The following AK5 variants were observed in gnomAD, a reference collection of about 807,000 sequenced individuals.
The protein encoded by AK5 is adenylate kinase 5.
AK5 carries 27 observed loss-of-function variants against 69.5 expected under a neutral mutation model. The observed-to-expected ratio is 0.39, with a 90% CI of 0.29 to 0.54. The LOEUF (loss-of-function observed/expected upper bound fraction) is 0.54, where lower values mean the gene tolerates loss of function less well. AK5 is among the 20% of genes least tolerant of loss of function. The pLI is 0.71. For missense variants in AK5, 531 were observed against 700.4 expected (o/e 0.76, Z 2.73); for synonymous variants, 260 against 244.4 (o/e 1.06, Z -0.60).
At chr1:77,345,823 C>T (rs1447151234) in intron 6 of AK5, among the ~76,000 whole-genome samples, 1 of 152,202 alleles carries the variant, frequency 6.6e-6, no homozygotes, top group African/African-American at 2.4e-5. Flanking sequence ...GCACAGTTGA[C>T]CCTTGAATAA....
At chr1:77,392,712 T>A (rs1648567533) in intron 6 of AK5, among the ~76,000 whole-genome samples, 2 of 151,752 alleles carry the variant, frequency 1.3e-5, no homozygotes, top group Non-Finnish European at 2.9e-5. Context: ...GCTAAGTAGG[T>A]CATGATTTTA....
intron 6 of AK5, among the ~76,000 whole-genome samples, chr1:77,389,676 T>C (rs929157498): frequency 9.2e-5 from 14 of 152,196 alleles, no homozygotes; most frequent in African/African-American, 1.2e-4. Context: ...AATTTGTTTT[T>C]TAAGGCTGGG....
At chr1:77,299,347 G>A (rs1180738492) in intron 5 of AK5, among the ~76,000 whole-genome samples, 1 of 145,812 alleles carries the variant, frequency 6.9e-6, no homozygotes, top group Admixed American at 6.9e-5. Flanking sequence ...ATTTCAAGGA[G>A]CATTTAACAT....
chr1:77,463,689 T>C (rs1392362043), intron 8 of AK5, among the ~76,000 whole-genome samples: 2 of 151,914 alleles, frequency 1.3e-5, no homozygotes, highest in African/African-American at 4.8e-5. Flanking sequence ...TCATTAAGAA[T>C]TTCCCTCCGT....
At chr1:77,507,002 A>G (rs1657068866) in intron 10 of AK5, among the ~76,000 whole-genome samples, 1 of 152,198 alleles carries the variant, frequency 6.6e-6, no homozygotes, top group Non-Finnish European at 1.5e-5. Context: ...CAGTCTCAAA[A>G]AAAAAAACCA....
chr1:77,351,082 G>A (rs1662167033), intron 6 of AK5, among the ~76,000 whole-genome samples: 1 of 152,264 alleles, frequency 6.6e-6, no homozygotes, highest in East Asian at 1.9e-4. Context: ...AAAATAAAAG[G>A]TTTGTTTCAT....
chr1:77,283,119 C>T (rs1040134502), intron 1 of AK5: 62 of 985,670 alleles, frequency 6.3e-5, no homozygotes, highest in Non-Finnish European at 7.3e-5. Flanking sequence ...ATCATCTGCA[C>T]CGGGACCCGG....
chr1:77,304,107 A>G lies in AK5; in HGVS notation c.699+6160A>G, dbSNP rs576982650. Among the ~76,000 whole-genome samples the G allele has an allele frequency of 3.4e-4, 52 of 152,172 alleles. 1 individual carries two copies. In the South Asian group the frequency reaches 0.01, roughly 30 times the overall value. On this transcript the variant is annotated intron_variant, in intron 5 of 13. Coordinates refer to ENST00000354567, the MANE Select transcript of AK5 (RefSeq NM_174858.3). ...ATAGTAGGTCTTATTCATTCTTTCT[A>G]ACATTTTTTGTACCCATTAACCATC...
rs75798281 is a variant in AK5, at chr1:77,559,785, G to A, written c.*1115G>A. On this transcript the variant is annotated 3_prime_UTR_variant, in exon 14 of 14. Coordinates refer to ENST00000354567, the MANE Select transcript of AK5 (RefSeq NM_174858.3). The stretch of plus-strand genomic sequence containing the variant: ...ATCAGAGCTGCTTATATATTCTACT[G>A]GAATAACTGCATCTTCCACTCAGTC... 0.028 allele frequency: 4,197 copies of A among 152,146 alleles called. 94 individuals are homozygous for A. Among genetic ancestry groups the A allele is most frequent in the African/African-American group, 0.059 (2,442 of 41,406 alleles). 9.4% of individuals were successfully genotyped at this position (152,146 alleles called of 1,614,324 possible). A position where few individuals can be genotyped will look rare whatever the true frequency, so the allele number is the denominator to read the frequency against.
At chr1:77,417,760 T>A (rs1273023253) in intron 8 of AK5, 45 bp downstream of exon 8, 1 of 1,198,484 alleles carries the variant, frequency 8.3e-7, no homozygotes. Context: ...TGTTTTTAAG[T>A]TGAACCTTTG....
intron 8 of AK5, among the ~76,000 whole-genome samples, chr1:77,425,955 T>C (rs576007168): frequency 7.2e-5 from 11 of 152,206 alleles, no homozygotes; most frequent in African/African-American, 2.6e-4. Flanking sequence ...GGACAACCAA[T>C]TTAAAAAGTG....
intron 5 of AK5, among the ~76,000 whole-genome samples, chr1:77,333,901 A>G (rs1160941675): frequency 6.6e-6 from 1 of 152,220 alleles, no homozygotes; most frequent in African/African-American, 2.4e-5. Context: ...GAACAAGTAA[A>G]AGATTTTAGA....
intron 12 of AK5, among the ~76,000 whole-genome samples, chr1:77,531,170 T>C (rs1310312729): frequency 6.6e-6 from 1 of 152,208 alleles, no homozygotes; most frequent in African/African-American, 2.4e-5. Flanking sequence ...TCTGGTGGGT[T>C]CGTGGTCTCG....
At chr1:77,550,735 C>T (rs1355101731) in intron 13 of AK5, among the ~76,000 whole-genome samples, 1 of 152,220 alleles carries the variant, frequency 6.6e-6, no homozygotes, top group East Asian at 1.9e-4. Context: ...TTAAAATACT[C>T]TCCACATGGG....
intron 8 of AK5, among the ~76,000 whole-genome samples, chr1:77,467,291 C>T (rs1303890519): frequency 6.6e-6 from 1 of 152,208 alleles, no homozygotes; most frequent in Non-Finnish European, 1.5e-5. Context: ...AGTGGAGGCT[C>T]CTAGTTTCTC....
At chr1:77,293,157 A>T (rs576383740) in intron 2 of AK5, among the ~76,000 whole-genome samples, 1 of 152,284 alleles carries the variant, frequency 6.6e-6, no homozygotes, top group African/African-American at 2.4e-5. Context: ...AATTGTAGGA[A>T]TTGTTTGCAC....
chr1:77,508,036 C>T lies in AK5; in HGVS notation c.1148-10528C>T, dbSNP rs113744406. Among the ~76,000 whole-genome samples the T allele has an allele frequency of 3.5e-3, 532 of 152,246 alleles. 7 individuals carry two copies. The highest frequency in any genetic ancestry group is 0.012 in the African/African-American group (501 of 41,542). On this transcript the variant is annotated intron_variant, in intron 10 of 13. Coordinates refer to ENST00000354567, the MANE Select transcript of AK5 (RefSeq NM_174858.3). ...CTAATCTTTTTGCATGCCAACGTAA[C>T]GCTCAAAGGAACTGCTCATTGGAGC...
intron 5 of AK5, among the ~76,000 whole-genome samples, chr1:77,327,038 G>A (rs1265401184): frequency 6.6e-6 from 1 of 152,112 alleles, no homozygotes; most frequent in Non-Finnish European, 1.5e-5. Flanking sequence ...TCAATATCAT[G>A]AATTTAAATG....
intron 6 of AK5, among the ~76,000 whole-genome samples, chr1:77,344,592 A>G (rs940872628): frequency 6.6e-5 from 10 of 152,160 alleles, no homozygotes; most frequent in Admixed American, 1.3e-4. Flanking sequence ...TTGAAACTGT[A>G]TAACTCTTGA....
Sources: allele counts gnomAD v4.1 joint callset (sites outside exome capture counted in the v4.1 genomes callset), GRCh38; gene constraint gnomAD v4.1.1; transcripts MANE v1.5; gene names NCBI Gene and HGNC (gene_info 2026-07-23, HGNC 2026-07-21).